Variants in TRMT44 observed in about 807,000 individuals in gnomAD.
TRMT44 encodes the protein probable tRNA (uracil-O(2)-)-methyltransferase.
Under a neutral mutation model 77.3 loss-of-function variants are expected in TRMT44, and 78 were observed. The ratio of observed to expected loss-of-function variants is 1.01; its 90% confidence interval spans 0.84 to 1.22. The LOEUF (loss-of-function observed/expected upper bound fraction) is 1.22. Ranked by LOEUF, TRMT44 falls within the 50% of genes most tolerant of loss-of-function variation. The probability of loss-of-function intolerance (pLI) is 0.00; values close to 1 mark genes in which losing one functional copy is unlikely to be tolerated. For missense variants in TRMT44, 1,090 were observed against 964.4 expected, an observed-to-expected ratio of 1.13 and a Z score of -1.73; for synonymous variants, 391 against 383.3, an observed-to-expected ratio of 1.02 and a Z score of -0.23.
At chr4:8,457,741 C>A (rs1275465706) in intron 6 of TRMT44, among the ~76,000 whole-genome samples, 4 of 152,184 alleles carry the variant, frequency 2.6e-5, no homozygotes. Flanking sequence ...GTTGGCCTGA[C>A]TTCACAGGAT....
At chr4:8,491,532 C>T (rs1054435425) in intron 2 of TRMT44, among the ~76,000 whole-genome samples, 2 of 152,360 alleles carry the variant, frequency 1.3e-5, no homozygotes, top group South Asian at 4.1e-4. Flanking sequence ...GCATGGCGGG[C>T]TGCATGTCCC....
rs140189596 is a variant in TRMT44 at position 8,475,903 on chromosome 4, C to T, written c.2176C>T (p.Pro726Ser). ...CCTCTGCTGGTTCTTCATGCATCAC[C>T]CTGATGGCTGCGCTCTGTCCACGGA... ...TRLCWFFMHH[P>S]DGCALSTDCC... Residue 726 changes from proline to serine, a missense_variant, in exon 11 of 11, where the codon CCT (proline) becomes TCT (serine). Transcript: ENST00000389737. The T allele has an allele frequency of 1.2e-6, 2 of 1,614,092 alleles. No homozygotes were observed. Among genetic ancestry groups the T allele is most frequent in the African/African-American group, 1.3e-5 (1 of 74,924 alleles).
In TRMT44 at chr4:8,441,404, C is replaced by T; in HGVS notation, c.582C>T (p.Cys194=). The T allele has an allele frequency of 3.3e-6, 5 of 1,526,830 alleles. No individual in the cohort carries two copies. The highest frequency in any genetic ancestry group is 4.4e-6 in the Non-Finnish European group (5 of 1,139,830). The allele number at this position is 1,526,830 out of a possible 1,614,324, so 94.6% of individuals were successfully genotyped here. Reference sequence around the variant, plus strand: ...TCATCCCGAAAACTAGCCCACATTGCCCCCTTACAACTCCCAGGAGGGAAA... The same window carrying T: ...TCATCCCGAAAACTAGCCCACATTGTCCCCTTACAACTCCCAGGAGGGAAA... ...RTVIPKTSPH[C]PLTTPRREIV... is the part of the protein sequence containing the mutation. The change falls in exon 1 of 11, where the codon TGC becomes TGT. Residue 194 remains cysteine (C), a synonymous_variant. Transcript: ENST00000389737.
downstream of TRMT44, among the ~76,000 whole-genome samples, chr4:8,497,373 C>A (rs113980526): frequency 6.6e-6 from 1 of 152,042 alleles, no homozygotes; most frequent in Admixed American, 6.5e-5. Context: ...GGGCCGGGCA[C>A]GGTGGCTCAC....
At chr4:8,481,289 A>C (rs113251419), downstream of TRMT44, among the ~76,000 whole-genome samples, 1 of 152,148 alleles carries the variant, frequency 6.6e-6, no homozygotes, top group Admixed American at 6.5e-5. Context: ...GACCAAACCA[A>C]TGTATTTCTC....
At chr4:8,481,508 T>C (rs1727612332), downstream of TRMT44, among the ~76,000 whole-genome samples, 1 of 152,184 alleles carries the variant, frequency 6.6e-6, no homozygotes, top group Non-Finnish European at 1.5e-5. Flanking sequence ...AACCTGATGC[T>C]CAGTCACCTG....
the TRMT44 span, among the ~76,000 whole-genome samples, chr4:8,500,962 A>G: frequency 1.3e-5 from 2 of 151,722 alleles, no homozygotes; most frequent in Non-Finnish European, 2.9e-5. Context: ...TGATGCTGGG[A>G]CCCCCACCCT....
chr4:8,497,793 T>G (rs1387273546), downstream of TRMT44, among the ~76,000 whole-genome samples: 1 of 152,246 alleles, frequency 6.6e-6, no homozygotes, highest in Non-Finnish European at 1.5e-5. Context: ...TAGTTCTCTA[T>G]TTCCCACAAC....
At chr4:8,471,342 T>A in intron 10 of TRMT44, 142 bp downstream of exon 10, 1 of 585,540 alleles carries the variant, frequency 1.7e-6, no homozygotes, top group Non-Finnish European at 2.9e-6. Flanking sequence ...CACCCAGCTC[T>A]GACGTGGGTG....
At chr4:8,464,655 G>C (rs1464050308) in intron 7 of TRMT44, among the ~76,000 whole-genome samples, 3 of 152,296 alleles carry the variant, frequency 2.0e-5, no homozygotes, top group Middle Eastern at 3.4e-3. Flanking sequence ...TCAGGTCTTC[G>C]CTCAGGCTTC....
intron 6 of TRMT44, among the ~76,000 whole-genome samples, chr4:8,456,196 G>A (rs1579053997): frequency 1.3e-5 from 2 of 152,312 alleles, no homozygotes; most frequent in South Asian, 2.1e-4. Flanking sequence ...GTCACTGCTC[G>A]TTCCTACTGC....
chr4:8,459,884 G>A (rs1726042016), intron 6 of TRMT44, among the ~76,000 whole-genome samples: 2 of 152,330 alleles, frequency 1.3e-5, no homozygotes, highest in South Asian at 2.1e-4. Flanking sequence ...GGTGGTGGCA[G>A]GTGCTGAGGA....
chr4:8,500,096 G>A, the TRMT44 span, among the ~76,000 whole-genome samples: 1 of 152,004 alleles, frequency 6.6e-6, no homozygotes, highest in Admixed American at 6.6e-5. Context: ...TGGGAGTGGT[G>A]GCATGTGCCT....
At chr4:8,513,909 T>C in the TRMT44 span, among the ~76,000 whole-genome samples, 177 of 152,266 alleles carry the variant, frequency 1.2e-3, 1 homozygote, top group African/African-American at 4.1e-3. Context: ...CAGCCAGAAC[T>C]CTTGGGTGGG....
At chr4:8,511,402 C>T in the TRMT44 span, among the ~76,000 whole-genome samples, 2 of 152,248 alleles carry the variant, frequency 1.3e-5, no homozygotes, top group Middle Eastern at 3.4e-3. Flanking sequence ...CCACAAAATG[C>T]CCACCTCTTA....
the TRMT44 span, among the ~76,000 whole-genome samples, chr4:8,511,543 C>A: frequency 2.0e-5 from 3 of 152,220 alleles, no homozygotes; most frequent in Non-Finnish European, 4.4e-5. Context: ...CCAAAAGCCA[C>A]TATCCGGAAT....
chr4:8,491,856 C>T (rs1728018044), intron 2 of TRMT44, among the ~76,000 whole-genome samples: 1 of 152,244 alleles, frequency 6.6e-6, no homozygotes, highest in Non-Finnish European at 1.5e-5. Context: ...AAGGGGCTCC[C>T]ACAGTGCAGC....
intron 9 of TRMT44, among the ~76,000 whole-genome samples, chr4:8,469,194 G>C (rs1279402034): frequency 1.3e-5 from 2 of 152,198 alleles, no homozygotes; most frequent in Non-Finnish European, 2.9e-5. Flanking sequence ...ATGGAGCATA[G>C]ACGGCCCCTC....
At chr4:8,442,421 A>T (rs1390514955) in intron 1 of TRMT44, among the ~76,000 whole-genome samples, 3 of 152,258 alleles carry the variant, frequency 2.0e-5, no homozygotes, top group Admixed American at 2.0e-4. Context: ...CTTCAGCCTC[A>T]GCCACTCTTA....
Sources: gnomAD v4.1 joint callset for allele counts (sites outside exome capture counted in the v4.1 genomes callset) on GRCh38, gnomAD v4.1.1 for gene constraint, MANE v1.5 for transcripts, NCBI Gene and HGNC (gene_info 2026-07-23, HGNC 2026-07-21) for gene names.